Variants in JAZF1 observed in about 807,000 individuals in gnomAD.
The protein encoded by JAZF1 is juxtaposed with another zinc finger protein 1.
Under a neutral mutation model 26.4 loss-of-function variants are expected in JAZF1, and 8 were observed. The observed-to-expected ratio is 0.30, with a 90% CI of 0.18 to 0.55. The LOEUF is 0.55. Among genes scored for constraint, JAZF1 ranks in the 20% least tolerant of loss-of-function variants. The pLI is 0.94. For missense variants in JAZF1, 199 were observed against 322.0 expected (o/e 0.62, Z 2.92); for synonymous variants, 126 against 122.3 (o/e 1.03, Z -0.20).
At chr7:28,103,024 C>A (rs768116239) in intron 1 of JAZF1, among the ~76,000 whole-genome samples, 2 of 152,136 alleles carry the variant, frequency 1.3e-5, no homozygotes, top group African/African-American at 4.8e-5. Flanking sequence ...CCTCAGCTTA[C>A]GACCGATTGA....
chr7:28,085,223 A>G (rs2127918375), intron 1 of JAZF1, among the ~76,000 whole-genome samples: 1 of 152,336 alleles, frequency 6.6e-6, no homozygotes, highest in South Asian at 2.1e-4. Context: ...GATCTGAAAC[A>G]TATGATTTTT....
chr7:27,841,795 G>C (rs555624042), intron 3 of JAZF1: 1 of 152,254 alleles, frequency 6.6e-6, no homozygotes, highest in African/African-American at 2.4e-5. Flanking sequence ...TGGAGCTTTT[G>C]CACAATACAA....
chr7:27,958,806 T>A (rs887502020), intron 2 of JAZF1, among the ~76,000 whole-genome samples: 7 of 152,124 alleles, frequency 4.6e-5, no homozygotes, highest in Non-Finnish European at 8.8e-5. Context: ...AAGTCAGGGC[T>A]CCTTACAAAG....
chr7:28,160,541 T>C (rs1417162792), intron 1 of JAZF1, among the ~76,000 whole-genome samples: 1 of 152,142 alleles, frequency 6.6e-6, no homozygotes, highest in Non-Finnish European at 1.5e-5. Flanking sequence ...AGGTTCCTTC[T>C]GCTGCAAACT....
chr7:28,066,271 C>T (rs772583629), intron 1 of JAZF1, among the ~76,000 whole-genome samples: 12 of 152,146 alleles, frequency 7.9e-5, no homozygotes, highest in South Asian at 2.1e-4. Flanking sequence ...GGAAAGGCTC[C>T]GGTACAGGCC....
chr7:28,119,132 G>A (rs1300043731), intron 1 of JAZF1, among the ~76,000 whole-genome samples: 3 of 151,968 alleles, frequency 2.0e-5, no homozygotes, highest in Non-Finnish European at 2.9e-5. Context: ...GGCAGCCCCC[G>A]GTCTCCCTAC....
At chr7:28,100,818 A>T (rs1348141594) in intron 1 of JAZF1, among the ~76,000 whole-genome samples, 3 of 152,338 alleles carry the variant, frequency 2.0e-5, no homozygotes, top group Non-Finnish European at 4.4e-5. Flanking sequence ...AGCTGGACCA[A>T]GTCTGTGGTA....
chr7:27,964,587 C>A (rs1332368421), intron 2 of JAZF1, among the ~76,000 whole-genome samples: 1 of 151,710 alleles, frequency 6.6e-6, no homozygotes, highest in Non-Finnish European at 1.5e-5. Flanking sequence ...ACCCCTACCA[C>A]CAAAACCATT....
intron 1 of JAZF1, among the ~76,000 whole-genome samples, chr7:28,106,816 T>C (rs1784560340): frequency 6.6e-6 from 1 of 152,188 alleles, no homozygotes; most frequent in African/African-American, 2.4e-5. Context: ...GTACTATATA[T>C]ATAAGCAAGA....
chr7:27,852,369 G>A (rs182092465), intron 3 of JAZF1, among the ~76,000 whole-genome samples: 145 of 152,160 alleles, frequency 9.5e-4, no homozygotes, highest in South Asian at 2.1e-3. Flanking sequence ...CTTGACCTCA[G>A]GTGATCTGCT....
At chr7:28,159,449 G>A (rs893442845) in intron 1 of JAZF1, among the ~76,000 whole-genome samples, 1 of 152,000 alleles carries the variant, frequency 6.6e-6, no homozygotes, top group African/African-American at 2.4e-5. Context: ...GTGAGTGGGT[G>A]CAGCACAGGA....
At chr7:28,096,803 G>A (rs982469657) in intron 1 of JAZF1, among the ~76,000 whole-genome samples, 2 of 152,178 alleles carry the variant, frequency 1.3e-5, no homozygotes, top group Admixed American at 1.3e-4. Context: ...GACTGCAAAT[G>A]AAACACTGGC....
intron 1 of JAZF1, among the ~76,000 whole-genome samples, chr7:28,110,469 AAAGG>A (rs1370046357): frequency 1.7e-3 from 106 of 61,146 alleles, no homozygotes; most frequent in African/African-American, 5.3e-3. Context: ...AAAGGAAAGG[AAAGG>A]AAAGGAAAGG....
intron 1 of JAZF1, among the ~76,000 whole-genome samples, chr7:28,093,462 C>T (rs897780964): frequency 6.6e-6 from 1 of 152,204 alleles, no homozygotes; most frequent in African/African-American, 2.4e-5. Flanking sequence ...CTTGGGATGT[C>T]TTTATCAGCA....
At chr7:28,150,298 A>G (rs1265878548) in intron 1 of JAZF1, among the ~76,000 whole-genome samples, 1 of 152,204 alleles carries the variant, frequency 6.6e-6, no homozygotes, top group Non-Finnish European at 1.5e-5. Flanking sequence ...GGAATTGCCA[A>G]TAATTTGGCA....
In JAZF1 at chr7:27,991,953, T is replaced by C. The variant is rs1785911736; in HGVS notation, c.144A>G (p.Gln48=). 6.2e-7 allele frequency: 1 copy of C among 1,607,266 alleles called. No individual in the cohort carries two copies. Among genetic ancestry groups the C allele is most frequent in the Non-Finnish European group, 8.5e-7 (1 of 1,174,842 alleles). ...CAACATAGGTTGGCTGCTGTAATTC[T>C]TGTTTTTCTAAAACCCGTGGATCTG... ...IDTDPRVLEK[Q]ELQQPTYVAL... is the part of the protein sequence containing the mutation. Residue 48 remains glutamine (Q), a synonymous_variant, in exon 2 of 5, where the codon CAA becomes CAG. Transcript: ENST00000283928.
intron 1 of JAZF1, among the ~76,000 whole-genome samples, chr7:28,010,532 C>T (rs1032503571): frequency 6.6e-6 from 1 of 152,198 alleles, no homozygotes; most frequent in Non-Finnish European, 1.5e-5. Flanking sequence ...CTACCCAGAA[C>T]ACCTCGTCCT....
chr7:28,058,542 T>TAGTTTA (rs1252842056), intron 1 of JAZF1, among the ~76,000 whole-genome samples: 1 of 152,220 alleles, frequency 6.6e-6, no homozygotes, highest in African/African-American at 2.4e-5. Context: ...ACACAGTTCC[T>TAGTTTA]AGTTTAACCA....
rs528381869 is a variant in JAZF1 at position 27,869,605 on chromosome 7, C to G, written c.385+25615G>C. 3.3e-5 allele frequency among the ~76,000 whole-genome samples: 5 copies of G among 152,190 alleles called. No individual in the cohort carries two copies. The East Asian group carries it at 7.7e-4, about 23-fold the overall frequency. ...TAGTGTGGTGATCCCATGCAGGAAC[C>G]AAGGGGTTGCTTCTGGCCTGTTTTC... On this transcript the variant is annotated intron_variant, in intron 3 of 4. Coordinates refer to ENST00000283928, the MANE Select transcript of JAZF1 (RefSeq NM_175061.4).
Sources: allele counts gnomAD v4.1 joint callset (sites outside exome capture counted in the v4.1 genomes callset), GRCh38; gene constraint gnomAD v4.1.1; transcripts MANE v1.5; gene names NCBI Gene and HGNC (gene_info 2026-07-23, HGNC 2026-07-21).